Variants in CLEC16A observed in about 807,000 individuals in gnomAD.
CLEC16A encodes the protein C-type lectin domain containing 16A, also known as protein CLEC16A.
Under a neutral mutation model 109.5 loss-of-function variants are expected in CLEC16A, and 51 were observed. That is an observed-to-expected ratio of 0.47 (90% CI 0.37 to 0.59). CLEC16A has a LOEUF of 0.59. CLEC16A is among the 20% of genes least tolerant of loss of function. The probability of loss-of-function intolerance (pLI) is 0.00; values close to 1 mark genes in which losing one functional copy is unlikely to be tolerated. For missense variants in CLEC16A, 1,339 were observed against 1,394.0 expected, an observed-to-expected ratio of 0.96 and a Z score of 0.63; for synonymous variants, 673 against 564.2, an observed-to-expected ratio of 1.19 and a Z score of -2.73.
chr16:10,945,035 C>T (rs1388592848), intron 1 of CLEC16A, among the ~76,000 whole-genome samples: 4 of 152,214 alleles, frequency 2.6e-5, no homozygotes, highest in African/African-American at 9.6e-5. Context: ...CTCCGTATCC[C>T]CACCTGTAAA....
chr16:11,067,799 G>A (rs1203008493), intron 19 of CLEC16A, among the ~76,000 whole-genome samples: 7 of 152,164 alleles, frequency 4.6e-5, no homozygotes, highest in Non-Finnish European at 1.0e-4. Context: ...CACCAGGCTC[G>A]GACAGTCTGG....
At chr16:11,105,076 A>C (rs142359995) in intron 19 of CLEC16A, among the ~76,000 whole-genome samples, 20 of 152,302 alleles carry the variant, frequency 1.3e-4, no homozygotes, top group African/African-American at 4.3e-4. Context: ...TGGCTGCCTC[A>C]CAGAGTTAGG....
chr16:11,012,564 C>T (rs1399601079), intron 11 of CLEC16A, among the ~76,000 whole-genome samples: 4 of 128,732 alleles, frequency 3.1e-5, no homozygotes, highest in African/African-American at 1.2e-4. Context: ...CACTGCACTC[C>T]AGCCTGGGCG....
At chr16:11,034,600 C>A (rs2046921551) in intron 13 of CLEC16A, among the ~76,000 whole-genome samples, 1 of 152,080 alleles carries the variant, frequency 6.6e-6, no homozygotes. Context: ...CACGGGTGGA[C>A]AGGGGACACC....
intron 11 of CLEC16A, among the ~76,000 whole-genome samples, chr16:11,013,832 G>A (rs146644014): frequency 0.013 from 2,010 of 152,050 alleles, 46 homozygotes; most frequent in African/African-American, 0.046. Context: ...CTAGCTACTC[G>A]GGAGGCTGAG....
In CLEC16A at chr16:11,175,000, G is replaced by T. The variant is rs1430653379; in HGVS notation, c.2807-3335G>T. On this transcript the variant is annotated intron_variant, in intron 23 of 23. Transcript: ENST00000409790. The surrounding 1 kb of genome is among the most constrained non-coding windows in gnomAD (Gnocchi z 4.7). ...TCTCCATTGGCCGTTGCGCTTGTCT[G>T]CTGGGAGCCTTTGCCTTCTTTTGTG... Among the ~76,000 whole-genome samples the T allele has an allele frequency of 6.6e-6, 1 of 152,232 alleles. No homozygotes were observed. Among genetic ancestry groups the T allele is most frequent in the Non-Finnish European group, 1.5e-5 (1 of 68,048 alleles).
chr16:11,051,413 A>T, intron 17 of CLEC16A, 100 bp from the exon 18 acceptor site: 2 of 1,206,892 alleles, frequency 1.7e-6, no homozygotes, highest in Non-Finnish European at 2.4e-6. Context: ...TACATTTACT[A>T]AATGCGGTTG....
rs77949602 is a variant in CLEC16A, at chr16:11,179,555, C to G, written c.*865C>G. On this transcript the variant is annotated 3_prime_UTR_variant, in exon 24 of 24. Coordinates refer to ENST00000409790, the MANE Select transcript of CLEC16A (RefSeq NM_015226.3). Reference sequence around the variant, plus strand: ...AATGTAGCCAGCTCCCCACTCAGGACGCTTCCTCATTTCTCTTCACCAAAA... The same window carrying G: ...AATGTAGCCAGCTCCCCACTCAGGAGGCTTCCTCATTTCTCTTCACCAAAA... The G allele has an allele frequency of 1.3e-5, 2 of 152,222 alleles. No individual in the cohort carries two copies. Among genetic ancestry groups the G allele is most frequent in the Admixed American group, 1.3e-4 (2 of 15,284 alleles). 9.4% of individuals were successfully genotyped at this position (152,222 alleles called of 1,614,324 possible). A position where few individuals can be genotyped will look rare whatever the true frequency, so the allele number is the denominator to read the frequency against.
intron 19 of CLEC16A, among the ~76,000 whole-genome samples, chr16:11,110,371 T>C (rs1006405782): frequency 6.6e-6 from 1 of 151,502 alleles, no homozygotes; most frequent in Non-Finnish European, 1.5e-5. Context: ...ATTAGGGAAA[T>C]GTAGAGAGGG....
intron 18 of CLEC16A, chr16:11,056,933 T>C (rs1597232006): frequency 6.6e-6 from 1 of 152,244 alleles, no homozygotes; most frequent in South Asian, 2.1e-4. Context: ...ATAAGTCTCA[T>C]TTCTTATGGC....
rs1270135557 is a variant in CLEC16A, at chr16:11,068,868, G to A, written c.2116+7846G>A. ...CTCGCTCTTTCATCTAGGCTGGAGT[G>A]CAGAGGCACAATCTCGGCTCGCTGC... On this transcript the variant is annotated intron_variant, in intron 19 of 23. Coordinates refer to ENST00000409790, the MANE Select transcript of CLEC16A (RefSeq NM_015226.3). Among the ~76,000 whole-genome samples, 6 of 152,126 alleles carry A rather than the reference G, an allele frequency of 3.9e-5. No individual in the cohort carries two copies. The South Asian group carries it at 1.0e-3, about 26-fold the overall frequency.
intron 10 of CLEC16A, among the ~76,000 whole-genome samples, chr16:10,998,360 A>C (rs977537399): frequency 6.6e-6 from 1 of 152,186 alleles, no homozygotes; most frequent in South Asian, 2.1e-4. Flanking sequence ...GCAGTCAGCA[A>C]AGAGGCTCCT....
At chr16:10,947,925 G>A (rs950666773) in intron 1 of CLEC16A, among the ~76,000 whole-genome samples, 5 of 151,090 alleles carry the variant, frequency 3.3e-5, no homozygotes, top group Non-Finnish European at 7.4e-5. Flanking sequence ...TAAGAGTCTT[G>A]CTCTGTTGCC....
intron 19 of CLEC16A, among the ~76,000 whole-genome samples, chr16:11,115,197 T>G (rs1162656733): frequency 6.6e-6 from 1 of 152,164 alleles, no homozygotes; most frequent in Non-Finnish European, 1.5e-5. Flanking sequence ...GAACTTCTTT[T>G]GTGAATGTGA....
chr16:11,067,399 C>T (rs1261212164), intron 19 of CLEC16A, among the ~76,000 whole-genome samples: 6 of 151,522 alleles, frequency 4.0e-5, no homozygotes, highest in Admixed American at 3.9e-4. Context: ...GAAGGAGGGG[C>T]CCATTTGAGG....
intron 3 of CLEC16A, among the ~76,000 whole-genome samples, chr16:10,964,187 C>A (rs529101772): frequency 6.6e-6 from 1 of 152,334 alleles, no homozygotes; most frequent in Non-Finnish European, 1.5e-5. Context: ...ATGGCTCTCG[C>A]AGCCGCCGCT....
rs545451968 is a variant in CLEC16A, at chr16:11,009,376, A to T, written c.1303+6071A>T. Reference sequence around the variant, plus strand: ...ACTTGGATTGCTTCCACTTTTGGCTATTGGGAATAATGCCGCTATAAACAT... The same window carrying T: ...ACTTGGATTGCTTCCACTTTTGGCTTTTGGGAATAATGCCGCTATAAACAT... On this transcript the variant is annotated intron_variant, in intron 11 of 23. Coordinates refer to ENST00000409790, the MANE Select transcript of CLEC16A (RefSeq NM_015226.3). Among the ~76,000 whole-genome samples the T allele has an allele frequency of 3.3e-5, 5 of 152,128 alleles. No homozygotes were observed. The South Asian group carries it at 1.0e-3, about 32-fold the overall frequency.
Position 11,092,361 on chromosome 16 carries a change from A to AACACACACACACACACAC in CLEC16A, c.2117-28230_2117-28213dup, listed in dbSNP as rs3030566. ...CTGTCTCAAAAAACAAACAAAAACA[A>AACACACACACACACACAC]ACACACACACACACACACACACACA... is the stretch of plus-strand genomic sequence containing the variant. On this transcript the variant is annotated intron_variant, in intron 19 of 23. Transcript: ENST00000409790. Among the ~76,000 whole-genome samples, 399 of 132,508 alleles carry AACACACACACACACACAC rather than the reference A, an allele frequency of 3.0e-3. 2 individuals carry two copies. The highest frequency in any genetic ancestry group is 6.0e-3 in the East Asian group (26 of 4,324). 86.9% of individuals were successfully genotyped at this position (132,508 alleles called of 152,430 possible). A position where few individuals can be genotyped will look rare whatever the true frequency, so the allele number is the denominator to read the frequency against.
chr16:11,171,158 G>A (rs969646933), intron 23 of CLEC16A, among the ~76,000 whole-genome samples: 9 of 152,210 alleles, frequency 5.9e-5, no homozygotes, highest in African/African-American at 9.7e-5. Flanking sequence ...CATCAGGGCC[G>A]CGGCCTATAG....
Sources: allele counts gnomAD v4.1 joint callset (sites outside exome capture counted in the v4.1 genomes callset), GRCh38; gene constraint gnomAD v4.1.1; non-coding constraint Gnocchi (gnomAD v3.1); transcripts MANE v1.5; gene names NCBI Gene and HGNC (gene_info 2026-07-23, HGNC 2026-07-21).